Variants in CWC27 observed in about 807,000 individuals in gnomAD.
CWC27 encodes spliceosome-associated protein CWC27 homolog.
In CWC27, 47 loss-of-function variants were observed where a neutral mutation model predicts 63.6. The observed-to-expected ratio is 0.74, with a 90% CI of 0.58 to 0.94. The LOEUF (loss-of-function observed/expected upper bound fraction) is 0.94. Among genes scored for constraint, CWC27 ranks in the 40% least tolerant of loss-of-function variants. The pLI, the probability that CWC27 is intolerant of heterozygous loss-of-function variation, is 0.00. For missense variants in CWC27, 495 were observed against 554.3 expected, an observed-to-expected ratio of 0.89 and a Z score of 1.07; for synonymous variants, 175 against 179.8, an observed-to-expected ratio of 0.97 and a Z score of 0.22.
intron 11 of CWC27, among the ~76,000 whole-genome samples, chr5:64,966,392 A>G (rs1043414774): frequency 6.6e-6 from 1 of 152,176 alleles, no homozygotes; most frequent in African/African-American, 2.4e-5. Context: ...GTGTGAGTGT[A>G]TATTTTGATA....
intron 7 of CWC27, 61 bp downstream of exon 7, chr5:64,789,081 C>G: frequency 1.7e-6 from 2 of 1,153,258 alleles, no homozygotes; most frequent in Non-Finnish European, 2.5e-6. Context: ...ATATCTTACT[C>G]ACTATTGTAT....
At chr5:64,988,605 T>A (rs1361355470) in intron 13 of CWC27, among the ~76,000 whole-genome samples, 1 of 147,360 alleles carries the variant, frequency 6.8e-6, no homozygotes, top group African/African-American at 2.6e-5. Context: ...TTAGACTATT[T>A]TTTTTTTTTT....
intron 10 of CWC27, among the ~76,000 whole-genome samples, chr5:64,882,693 G>A (rs1465164869): frequency 6.6e-6 from 1 of 152,030 alleles, no homozygotes; most frequent in Non-Finnish European, 1.5e-5. Flanking sequence ...TCTCGGGTTT[G>A]CACCATTTTC....
At chr5:64,923,978 C>T (rs931282953) in intron 11 of CWC27, among the ~76,000 whole-genome samples, 1 of 151,936 alleles carries the variant, frequency 6.6e-6, no homozygotes. Context: ...TCATCCCTAC[C>T]CTTATAGACA....
At chr5:64,824,703 C>T (rs1249919725) in intron 10 of CWC27, among the ~76,000 whole-genome samples, 1 of 149,624 alleles carries the variant, frequency 6.7e-6, no homozygotes, top group Admixed American at 6.6e-5. Context: ...AGGCACCCCC[C>T]AGGGGAAGTG....
intron 11 of CWC27, among the ~76,000 whole-genome samples, chr5:64,899,591 C>G (rs1184932761): frequency 6.6e-6 from 1 of 152,092 alleles, no homozygotes; most frequent in Non-Finnish European, 1.5e-5. Flanking sequence ...TATTATGAAA[C>G]AGGACAATGT....
intron 7 of CWC27, among the ~76,000 whole-genome samples, chr5:64,796,627 A>G (rs954364438): frequency 6.6e-6 from 1 of 152,134 alleles, no homozygotes; most frequent in Admixed American, 6.6e-5. Context: ...GTGTTTGACT[A>G]AACATTTGGG....
intron 11 of CWC27, among the ~76,000 whole-genome samples, chr5:64,924,806 G>A (rs1748073667): frequency 6.6e-6 from 1 of 152,194 alleles, no homozygotes; most frequent in South Asian, 2.1e-4. Context: ...TTAGAAGTGA[G>A]TATGGACAAG....
At position 64,852,478 on chromosome 5, in the gene CWC27, CT is replaced by C. The variant is rs538486678; in HGVS notation, c.939-32952del. Among the ~76,000 whole-genome samples the C allele has an allele frequency of 6.1e-3, 879 of 145,226 alleles. 7 individuals carry two copies. Among genetic ancestry groups the C allele is most frequent in the African/African-American group, 0.018 (694 of 39,530 alleles). Reference sequence around the variant, plus strand: ...AGTCAGATGCTTAAAGGACGAAAACCTTTTTTTTTTTTTGAGACAGTCTGTC... The same window carrying C: ...AGTCAGATGCTTAAAGGACGAAAACCTTTTTTTTTTTTGAGACAGTCTGTC... On this transcript the variant is annotated intron_variant, in intron 10 of 13. Transcript: ENST00000381070.
chr5:64,915,657 C>G (rs1417169122), intron 11 of CWC27, among the ~76,000 whole-genome samples: 3 of 152,198 alleles, frequency 2.0e-5, no homozygotes, highest in Non-Finnish European at 2.9e-5. Context: ...CTCTCAGCAG[C>G]CTTCTCTGGT....
chr5:64,838,220 T>C (rs1745707994), intron 10 of CWC27, among the ~76,000 whole-genome samples: 2 of 152,186 alleles, frequency 1.3e-5, no homozygotes. Context: ...CATATGTACA[T>C]TCACATGTGT....
chr5:64,971,502 C>A (rs945261815), intron 11 of CWC27, among the ~76,000 whole-genome samples: 5 of 152,168 alleles, frequency 3.3e-5, no homozygotes, highest in Non-Finnish European at 7.4e-5. Flanking sequence ...TGTATATCAA[C>A]TCATAAATTA....
chr5:64,870,237 T>C (rs1746636282), intron 10 of CWC27, among the ~76,000 whole-genome samples: 1 of 152,100 alleles, frequency 6.6e-6, no homozygotes, highest in Non-Finnish European at 1.5e-5. Flanking sequence ...CATGGAAATA[T>C]TAAGAAACCT....
chr5:64,964,911 A>G (rs976520683), intron 11 of CWC27, among the ~76,000 whole-genome samples: 3 of 152,204 alleles, frequency 2.0e-5, no homozygotes, highest in Non-Finnish European at 4.4e-5. Flanking sequence ...TTGGTATTAA[A>G]TGATTAACAA....
At chr5:64,895,441 A>G (rs1016310007) in intron 11 of CWC27, among the ~76,000 whole-genome samples, 11 of 152,180 alleles carry the variant, frequency 7.2e-5, no homozygotes, top group Non-Finnish European at 1.6e-4. Flanking sequence ...ACAATAAAAG[A>G]ATTTAGTTGG....
At chr5:64,963,190 G>A (rs1748950589) in intron 11 of CWC27, among the ~76,000 whole-genome samples, 2 of 152,026 alleles carry the variant, frequency 1.3e-5, no homozygotes, top group South Asian at 2.1e-4. Context: ...TCAAACTCCT[G>A]AGCTCAGACA....
intron 7 of CWC27, among the ~76,000 whole-genome samples, chr5:64,797,655 A>T (rs1353765633): frequency 5.9e-5 from 9 of 152,182 alleles, no homozygotes; most frequent in Admixed American, 5.9e-4. Context: ...AAAATTAATT[A>T]CTTTTTAAAT....
chr5:64,899,393 A>G lies in CWC27; in HGVS notation c.1042+13847A>G, dbSNP rs563348725. On this transcript the variant is annotated intron_variant, in intron 11 of 13. Transcript: ENST00000381070. ...TAATGGGCAAAATAATAAGCATTCA[A>G]CAAACATTTGCTGAAGTAATGAATG... Among the ~76,000 whole-genome samples the G allele has an allele frequency of 5.9e-5, 9 of 152,380 alleles. No individual in the cohort carries two copies. In the East Asian group the frequency reaches 1.7e-3, roughly 29 times the overall value.
At chr5:64,941,107 A>G (rs1356846732) in intron 11 of CWC27, among the ~76,000 whole-genome samples, 2 of 151,896 alleles carry the variant, frequency 1.3e-5, no homozygotes, top group Non-Finnish European at 2.9e-5. Context: ...TTATTTTGAT[A>G]TGTTCCTATT....
Sources: gnomAD v4.1 joint callset for allele counts (sites outside exome capture counted in the v4.1 genomes callset) on GRCh38, gnomAD v4.1.1 for gene constraint, MANE v1.5 for transcripts, NCBI Gene and HGNC (gene_info 2026-07-23, HGNC 2026-07-21) for gene names.